FDFT1: variants seen among roughly 807,000 people sequenced by gnomAD.
FDFT1 encodes squalene synthase.
In FDFT1, 68 loss-of-function variants were observed where a neutral mutation model predicts 46.8. The observed-to-expected ratio is 1.45, with a 90% confidence interval of 1.19 to 1.78. FDFT1 has a LOEUF of 1.78. Among genes scored for constraint, FDFT1 ranks in the 40% most tolerant of loss-of-function variants. FDFT1 has a pLI of 0.00. For missense variants in FDFT1, 928 were observed against 524.4 expected (o/e 1.77, Z -7.52); for synonymous variants, 351 against 185.1 (o/e 1.90, Z -7.28).
At chr8:11,837,632 T>C (rs774621290) in intron 7 of FDFT1, among the ~76,000 whole-genome samples, 1 of 152,104 alleles carries the variant, frequency 6.6e-6, no homozygotes, top group Non-Finnish European at 1.5e-5. Context: ...CGCTACACAT[T>C]ACAGAGCTCA....
intron 1 of FDFT1, chr8:11,808,375 G>T (rs1807170824): frequency 7.3e-6 from 9 of 1,234,830 alleles, no homozygotes; most frequent in Non-Finnish European, 9.1e-6. Context: ...CGGGGGCGGG[G>T]CTGCGGGGCT....
At chr8:11,825,647 G>C (rs189022976) in intron 4 of FDFT1, among the ~76,000 whole-genome samples, 1 of 148,546 alleles carries the variant, frequency 6.7e-6, no homozygotes, top group African/African-American at 2.5e-5. Flanking sequence ...GGGTCCAGTA[G>C]TTTGAGTCTA....
chr8:11,828,207 G>A (rs1039300632), intron 5 of FDFT1, among the ~76,000 whole-genome samples: 3 of 152,162 alleles, frequency 2.0e-5, no homozygotes, highest in Non-Finnish European at 2.9e-5. Flanking sequence ...AGGATTGCCT[G>A]AGCCCAGGAG....
At chr8:11,817,609 G>T (rs897039192) in intron 3 of FDFT1, among the ~76,000 whole-genome samples, 1 of 152,128 alleles carries the variant, frequency 6.6e-6, no homozygotes, top group Non-Finnish European at 1.5e-5. Context: ...TGTATGTGTC[G>T]AGGAATGTAT....
At chr8:11,811,972 G>C (rs370519664) in intron 3 of FDFT1, among the ~76,000 whole-genome samples, 1 of 152,208 alleles carries the variant, frequency 6.6e-6, no homozygotes, top group Admixed American at 6.5e-5. Context: ...GTATGTCTTT[G>C]AAACCAGTTG....
Position 11,826,361 on chromosome 8 carries a change from A to G in FDFT1, c.702+146A>G, listed in dbSNP as rs1585969245. Reference sequence around the variant, plus strand: ...GATGTGGAAAATAGGATAGCTTGACATGAGTTTGCTTCAGGTAGACTGGCT... The same window carrying G: ...GATGTGGAAAATAGGATAGCTTGACGTGAGTTTGCTTCAGGTAGACTGGCT... On this transcript the variant is annotated intron_variant, in intron 5 of 7. Transcript: ENST00000220584. 2.3e-5 allele frequency: 12 copies of G among 533,090 alleles called. No homozygotes were observed. The East Asian group carries it at 2.7e-4, about 12-fold the overall frequency. The allele number at this position is 533,090 out of a possible 1,614,324, so 33.0% of individuals were successfully genotyped here.
intron 7 of FDFT1, among the ~76,000 whole-genome samples, chr8:11,832,717 C>T (rs1363066588): frequency 6.6e-6 from 1 of 152,044 alleles, no homozygotes; most frequent in Non-Finnish European, 1.5e-5. Flanking sequence ...TCCTAACCGG[C>T]AGGAATCGGG....
intron 7 of FDFT1, among the ~76,000 whole-genome samples, chr8:11,832,569 A>AAAAAAAAAAAAAAAAAG: frequency 6.7e-6 from 1 of 149,298 alleles, no homozygotes; most frequent in Non-Finnish European, 1.5e-5. Context: ...AAAAAAAAAA[A>AAAAAAAAAAAAAAAAAG]AAAAAAAGTC....
intron 1 of FDFT1, chr8:11,808,345 G>C (rs914072696): frequency 1.6e-6 from 2 of 1,233,148 alleles, no homozygotes; most frequent in Middle Eastern, 3.1e-4. Flanking sequence ...GGGAGGAGGC[G>C]CCGGTGCGGA....
At chr8:11,833,769 G>C (rs1359189326) in intron 7 of FDFT1, among the ~76,000 whole-genome samples, 1 of 152,214 alleles carries the variant, frequency 6.6e-6, no homozygotes, top group African/African-American at 2.4e-5. Context: ...TTGTAAAGCT[G>C]AAAATATTTT....
intron 3 of FDFT1, among the ~76,000 whole-genome samples, chr8:11,821,048 C>A (rs1412916704): frequency 1.3e-5 from 2 of 152,162 alleles, no homozygotes; most frequent in Non-Finnish European, 2.9e-5. Context: ...ATGTATATCC[C>A]CAGTGCCTAG....
At position 11,809,542 on chromosome 8, in the gene FDFT1, A is replaced by G. The variant is rs564468452; in HGVS notation, c.198-125A>G. ...TCGTTAAGTATGAAAAGCGTTGGATATCCTTATAGTTCTTTAGAGTTAAGG... is the reference window on the plus strand; with the variant it reads ...TCGTTAAGTATGAAAAGCGTTGGATGTCCTTATAGTTCTTTAGAGTTAAGG... On this transcript the variant is annotated intron_variant, in intron 2 of 7. Coordinates refer to ENST00000220584, the MANE Select transcript of FDFT1 (RefSeq NM_004462.5). 3.3e-5 allele frequency: 43 copies of G among 1,290,670 alleles called. 3 individuals carry two copies. The South Asian group carries it at 7.6e-4, about 23-fold the overall frequency. 80.0% of individuals were successfully genotyped at this position (1,290,670 alleles called of 1,614,324 possible).
chr8:11,805,892 C>G (rs1274946396), intron 1 of FDFT1, among the ~76,000 whole-genome samples: 2 of 152,182 alleles, frequency 1.3e-5, no homozygotes, highest in African/African-American at 4.8e-5. Flanking sequence ...CCTGTGAGAC[C>G]TTAAAGGGTT....
At chr8:11,814,046 A>G (rs1185635228) in intron 3 of FDFT1, among the ~76,000 whole-genome samples, 5 of 152,222 alleles carry the variant, frequency 3.3e-5, no homozygotes, top group African/African-American at 9.6e-5. Context: ...TTCAGAAGTG[A>G]AAGTGTTTTG....
chr8:11,812,620 A>G (rs1029897907), intron 3 of FDFT1, among the ~76,000 whole-genome samples: 4 of 152,218 alleles, frequency 2.6e-5, no homozygotes, highest in Admixed American at 1.3e-4. Context: ...GGAGGATACA[A>G]TATATTTTAC....
At chr8:11,808,380 G>A in intron 1 of FDFT1, 2 of 1,234,878 alleles carry the variant, frequency 1.6e-6, no homozygotes, top group Non-Finnish European at 2.0e-6. Context: ...GCGGGGCTGC[G>A]GGGCTGCGGG....
chr8:11,802,221 C>G (rs537724010), upstream of FDFT1: 148 of 396,984 alleles, frequency 3.7e-4, 2 homozygotes, highest in South Asian at 1.9e-3. Context: ...GTAAAGACGC[C>G]CAGCTTGGCG....
intron 6 of FDFT1, 126 bp from the exon 7 acceptor site, chr8:11,831,392 G>A (rs767463509): frequency 2.0e-4 from 149 of 756,854 alleles, no homozygotes; most frequent in Non-Finnish European, 4.1e-5. Context: ...TTTCTTGAGC[G>A]ATTCCATCTT....
intron 1 of FDFT1, 66 bp downstream of exon 1, chr8:11,802,997 A>G: frequency 9.7e-6 from 15 of 1,538,696 alleles, no homozygotes; most frequent in Non-Finnish European, 1.3e-5. Flanking sequence ...TCAGGGCCTG[A>G]GCGGCCGGGC....
Sources: gnomAD v4.1 joint callset for allele counts (sites outside exome capture counted in the v4.1 genomes callset) on GRCh38, gnomAD v4.1.1 for gene constraint, MANE v1.5 for transcripts, NCBI Gene and HGNC (gene_info 2026-07-23, HGNC 2026-07-21) for gene names.